The following NOL4 variants were observed in gnomAD, a reference collection of about 807,000 sequenced individuals.
The protein encoded by NOL4 is nucleolar protein 4.
NOL4 carries 17 observed loss-of-function variants against 75.9 expected under a neutral mutation model. The observed-to-expected ratio is 0.22, with a 90% CI of 0.15 to 0.34. NOL4 has a LOEUF of 0.34. Among genes scored for constraint, NOL4 ranks in the 10% least tolerant of loss-of-function variants. The pLI is 1.00. For synonymous variants in NOL4, 292 were observed against 289.9 expected (o/e 1.01, Z -0.07); for missense variants, 614 against 793.5 (o/e 0.77, Z 2.72).
chr18:34,090,268 G>T lies in NOL4; in HGVS notation c.772+3197C>A, dbSNP rs577479201. 3.3e-5 allele frequency among the ~76,000 whole-genome samples: 5 copies of T among 152,080 alleles called. 1 individual carries two copies. The Middle Eastern group carries it at 0.014, about 414-fold the overall frequency. On this transcript the variant is annotated intron_variant, in intron 5 of 10. Coordinates refer to ENST00000261592, the MANE Select transcript of NOL4 (RefSeq NM_003787.5). ...ATCATTTAAATGATGGAGAATGTAA[G>T]AACTAACTCAAATGAAGCCAATGAA...
intron 6 of NOL4, among the ~76,000 whole-genome samples, chr18:33,967,343 T>A (rs187154108): frequency 3.7e-4 from 56 of 152,172 alleles, no homozygotes; most frequent in Admixed American, 5.9e-4. Flanking sequence ...GGATTAAATG[T>A]AAGATCTCAA....
chr18:33,918,117 G>T (rs2066833332), intron 9 of NOL4, among the ~76,000 whole-genome samples: 1 of 152,108 alleles, frequency 6.6e-6, no homozygotes, highest in Non-Finnish European at 1.5e-5. Flanking sequence ...GGGACCCAAA[G>T]GCTTATTTCC....
intron 9 of NOL4, among the ~76,000 whole-genome samples, chr18:33,931,746 A>G (rs2067707880): frequency 6.6e-6 from 1 of 152,080 alleles, no homozygotes; most frequent in Admixed American, 6.6e-5. Flanking sequence ...AATAAAATTA[A>G]AAAGAAAATT....
chr18:34,077,243 G>C (rs2077787629), intron 5 of NOL4, among the ~76,000 whole-genome samples: 1 of 152,128 alleles, frequency 6.6e-6, no homozygotes, highest in African/African-American at 2.4e-5. Context: ...CAGTGGTTGA[G>C]GCTGCAGTGA....
chr18:34,023,826 G>T (rs2075177663), intron 5 of NOL4, among the ~76,000 whole-genome samples: 1 of 151,984 alleles, frequency 6.6e-6, no homozygotes, highest in African/African-American at 2.4e-5. Context: ...ACTCCTTCTT[G>T]TCTAGAAGGT....
In NOL4 at chr18:34,038,802, G is replaced by GA. The variant is rs1388412863; in HGVS notation, c.773-19202dup. ...TGGGTATAAACTTACAGTTTAGATA[G>GA]AAAAACAAGTTCTAATGTTTGATAA... On this transcript the variant is annotated intron_variant, in intron 5 of 10. Coordinates refer to ENST00000261592, the MANE Select transcript of NOL4 (RefSeq NM_003787.5). Among the ~76,000 whole-genome samples, 3 of 151,914 alleles carry GA rather than the reference G, an allele frequency of 2.0e-5. No homozygotes were observed. In the East Asian group the frequency reaches 5.8e-4, roughly 29 times the overall value.
In NOL4 at chr18:34,180,599, T is replaced by C. The variant is rs372611580; in HGVS notation, c.264+42391A>G. On this transcript the variant is annotated intron_variant, in intron 1 of 10. Coordinates refer to ENST00000261592, the MANE Select transcript of NOL4 (RefSeq NM_003787.5). ...CTGTCACTTCTATTCAACACTATAG[T>C]GGAGATTCTAGCTAAGACAATTAGG... 3.2e-4 allele frequency among the ~76,000 whole-genome samples: 48 copies of C among 151,382 alleles called. 1 individual carries two copies. In the South Asian group the frequency reaches 1.0e-2, roughly 31 times the overall value.
intron 10 of NOL4, among the ~76,000 whole-genome samples, chr18:33,880,279 T>C (rs2064182562): frequency 6.6e-6 from 1 of 150,568 alleles, no homozygotes; most frequent in East Asian, 2.0e-4. Context: ...TACTTTTTTA[T>C]GGTGTTTTTG....
intron 5 of NOL4, among the ~76,000 whole-genome samples, chr18:34,047,238 G>T (rs2076420539): frequency 6.6e-6 from 1 of 152,078 alleles, no homozygotes; most frequent in Admixed American, 6.6e-5. Flanking sequence ...TCTATTCTGA[G>T]AAATTAAAAC....
intron 5 of NOL4, among the ~76,000 whole-genome samples, chr18:34,059,153 A>C (rs1027899362): frequency 2.2e-5 from 3 of 139,276 alleles, no homozygotes; most frequent in Non-Finnish European, 4.6e-5. Flanking sequence ...ATATATATAT[A>C]TATACACATG....
chr18:34,165,875 C>T (rs1201460378), intron 1 of NOL4, among the ~76,000 whole-genome samples: 10 of 151,636 alleles, frequency 6.6e-5, no homozygotes, highest in Non-Finnish European at 2.9e-5. Flanking sequence ...GGTAAATAGG[C>T]TTTTTAAAGT....
intron 9 of NOL4, among the ~76,000 whole-genome samples, chr18:33,921,350 C>T (rs2067024690): frequency 6.6e-6 from 1 of 152,070 alleles, no homozygotes. Flanking sequence ...ATAGATTTTT[C>T]AAGTTAGAAG....
chr18:34,148,967 G>C (rs2081528357), intron 1 of NOL4, among the ~76,000 whole-genome samples: 2 of 151,516 alleles, frequency 1.3e-5, no homozygotes, highest in African/African-American at 2.4e-5. Context: ...TTTTTTCCTT[G>C]AGAAATGAAT....
chr18:34,024,194 A>AATATATATATATATATATATATAT (rs1555696185), intron 5 of NOL4, among the ~76,000 whole-genome samples: 50 of 70,628 alleles, frequency 7.1e-4, no homozygotes, highest in African/African-American at 2.2e-3. Context: ...AAAAAAAAAA[A>AATATATATATATATATATATATAT]ATATATATAT....
chr18:34,200,996 CT>C lies in NOL4; in HGVS notation c.264+21993del, dbSNP rs2035694893. On this transcript the variant is annotated intron_variant, in intron 1 of 10. Transcript: ENST00000261592. ...TTAAATTGAACAAATTAATATAATA[CT>C]ATACTCCTATGCTGCTCTATATAGG... is the stretch of plus-strand genomic sequence containing the variant. 2.6e-5 allele frequency among the ~76,000 whole-genome samples: 4 copies of C among 151,562 alleles called. No individual in the cohort carries two copies. The South Asian group carries it at 8.3e-4, about 31-fold the overall frequency.
intron 6 of NOL4, among the ~76,000 whole-genome samples, chr18:33,963,383 G>A (rs1228525095): frequency 6.6e-6 from 1 of 152,056 alleles, no homozygotes; most frequent in African/African-American, 2.4e-5. Flanking sequence ...GGTATCATAG[G>A]CTCAGGGAAT....
intron 1 of NOL4, among the ~76,000 whole-genome samples, chr18:34,203,715 TCTCA>T (rs1272889676): frequency 3.8e-3 from 227 of 59,572 alleles, no homozygotes; most frequent in Middle Eastern, 0.02. Context: ...TCTCTCTCTC[TCTCA>T]CACACACACA....
At chr18:33,955,333 G>T (rs963156227) in intron 8 of NOL4, among the ~76,000 whole-genome samples, 1 of 151,952 alleles carries the variant, frequency 6.6e-6, no homozygotes, top group Admixed American at 6.6e-5. Flanking sequence ...TGAAAACAAG[G>T]TCTGATCCCT....
chr18:34,174,610 G>T (rs2033365839), intron 1 of NOL4, among the ~76,000 whole-genome samples: 1 of 151,894 alleles, frequency 6.6e-6, no homozygotes. Context: ...TAGATGCCAT[G>T]GTGGTTTGCT....
Sources: gnomAD v4.1 joint callset for allele counts (sites outside exome capture counted in the v4.1 genomes callset) on GRCh38, gnomAD v4.1.1 for gene constraint, MANE v1.5 for transcripts, NCBI Gene and HGNC (gene_info 2026-07-23, HGNC 2026-07-21) for gene names.